The following FGD6 variants were observed in gnomAD, a reference collection of about 807,000 sequenced individuals.
The protein encoded by FGD6 is FYVE, RhoGEF and PH domain containing 6.
FGD6 carries 90 observed loss-of-function variants against 149.4 expected under a neutral mutation model. That is an observed-to-expected ratio of 0.60 (90% CI 0.51 to 0.72). The LOEUF (loss-of-function observed/expected upper bound fraction) is 0.72, where lower values mean the gene tolerates loss of function less well. Among genes scored for constraint, FGD6 ranks in the 30% least tolerant of loss-of-function variants. FGD6 has a pLI of 0.00. For missense variants in FGD6, 1,437 were observed against 1,684.8 expected (o/e 0.85, Z 2.57); for synonymous variants, 527 against 584.0 (o/e 0.90, Z 1.41).
chr12:95,148,723 TA>T (rs1880121030), intron 5 of FGD6, among the ~76,000 whole-genome samples: 1 of 87,264 alleles, frequency 1.1e-5, no homozygotes. Flanking sequence ...GCATATGTTA[TA>T]TTACATATAT....
At chr12:95,093,636 ATTGCACTC>A (rs1385273480) in intron 15 of FGD6, among the ~76,000 whole-genome samples, 1 of 150,014 alleles carries the variant, frequency 6.7e-6, no homozygotes, top group Non-Finnish European at 1.5e-5. Flanking sequence ...AGATTGTGCC[ATTGCACTC>A]TAGCCTGGGC....
At chr12:95,102,029 A>G (rs1408459670) in intron 14 of FGD6, among the ~76,000 whole-genome samples, 1 of 149,550 alleles carries the variant, frequency 6.7e-6, no homozygotes, top group Non-Finnish European at 1.5e-5. Context: ...CAAAAACGAA[A>G]AAAGGGCTGA....
At chr12:95,176,222 G>A (rs1881128704) in intron 2 of FGD6, among the ~76,000 whole-genome samples, 1 of 152,142 alleles carries the variant, frequency 6.6e-6, no homozygotes, top group Non-Finnish European at 1.5e-5. Context: ...ACAGGCATGA[G>A]CCACCATATG....
chr12:95,113,035 A>G lies in FGD6; in HGVS notation c.3133+616T>C, dbSNP rs919949639. Among the ~76,000 whole-genome samples the G allele has an allele frequency of 4.6e-5, 7 of 152,128 alleles. No homozygotes were observed. The East Asian group carries it at 1.3e-3, about 29-fold the overall frequency. On this transcript the variant is annotated intron_variant, in intron 9 of 20. Coordinates refer to ENST00000343958, the MANE Select transcript of FGD6 (RefSeq NM_018351.4). Reference sequence around the variant, plus strand: ...CTGAATATGGCACGGGCACAGAGTGACTGAGCACAGGAGGGCAAAGATTCC... The same window carrying G: ...CTGAATATGGCACGGGCACAGAGTGGCTGAGCACAGGAGGGCAAAGATTCC...
rs966673061 is a variant in FGD6, at chr12:95,078,828, C to T, written c.*2692G>A. 1 of 152,162 alleles carries T rather than the reference C, an allele frequency of 6.6e-6. No homozygotes were observed. The highest frequency in any genetic ancestry group is 2.1e-4 in the South Asian group (1 of 4,826). The allele number at this position is 152,162 out of a possible 1,614,324, so 9.4% of individuals were successfully genotyped here. On this transcript the variant is annotated 3_prime_UTR_variant, in exon 21 of 21. Coordinates refer to ENST00000343958, the MANE Select transcript of FGD6 (RefSeq NM_018351.4). ...CTGGTTCAGCCTGGCGTCTCATCTA[C>T]GTTATGCTTAGCATCATTTTTAGCT...
At chr12:95,174,143 C>T (rs998873923) in intron 2 of FGD6, among the ~76,000 whole-genome samples, 2 of 152,054 alleles carry the variant, frequency 1.3e-5, no homozygotes, top group African/African-American at 2.4e-5. Flanking sequence ...ACTCACTCCC[C>T]GGGGGTAAGT....
chr12:95,199,493 C>T (rs553990190), intron 2 of FGD6, among the ~76,000 whole-genome samples: 17 of 152,048 alleles, frequency 1.1e-4, no homozygotes, highest in Admixed American at 3.3e-4. Flanking sequence ...GACTTGTAAA[C>T]GATTTCATTA....
chr12:95,100,641 C>T, intron 14 of FGD6: 1 of 532,724 alleles, frequency 1.9e-6, no homozygotes, highest in South Asian at 1.4e-5. Context: ...AACCAGTGTG[C>T]ACTATGGAGC....
chr12:95,079,786 GC>G lies in FGD6; in HGVS notation c.*1733del, dbSNP rs1251971684. On this transcript the variant is annotated 3_prime_UTR_variant, in exon 21 of 21. Coordinates refer to ENST00000343958, the MANE Select transcript of FGD6 (RefSeq NM_018351.4). ...CTCTAGATCTAGTAGGGACTCTGGT[GC>G]TGTACCAAACAGCATTCAAAAGGCC... The G allele has an allele frequency of 5.9e-5, 9 of 152,050 alleles. No homozygotes were observed. Among genetic ancestry groups the G allele is most frequent in the African/African-American group, 1.9e-4 (8 of 41,378 alleles). 9.4% of individuals were successfully genotyped at this position (152,050 alleles called of 1,614,324 possible).
At position 95,131,198 on chromosome 12, in the gene FGD6, G is replaced by A. The variant is rs141166337; in HGVS notation, c.3082+3541C>T. On this transcript the variant is annotated intron_variant, in intron 8 of 20. Coordinates refer to ENST00000343958, the MANE Select transcript of FGD6 (RefSeq NM_018351.4). Reference sequence around the variant, plus strand: ...GCGATCTCAGCTCACCACAACCTCTGCCTCTCGGGTTCAAACAATTCTGCC... The same window carrying A: ...GCGATCTCAGCTCACCACAACCTCTACCTCTCGGGTTCAAACAATTCTGCC... Among the ~76,000 whole-genome samples, 104 of 147,076 alleles carry A rather than the reference G, an allele frequency of 7.1e-4. No individual in the cohort carries two copies. In the East Asian group the frequency reaches 0.02, roughly 28 times the overall value.
At chr12:95,181,815 G>C (rs1389387489) in intron 2 of FGD6, among the ~76,000 whole-genome samples, 5 of 152,026 alleles carry the variant, frequency 3.3e-5, no homozygotes, top group South Asian at 4.2e-4. Context: ...TTAGCTGGGC[G>C]TGGTGGCGGG....
rs373304029 is a variant in FGD6, at chr12:95,202,461, C to A, written c.2441+6382G>T. 3.9e-4 allele frequency among the ~76,000 whole-genome samples: 54 copies of A among 139,438 alleles called. No individual in the cohort carries two copies. In the South Asian group the frequency reaches 0.013, roughly 33 times the overall value. The allele number at this position is 139,438 out of a possible 152,430, so 91.5% of individuals were successfully genotyped here. On this transcript the variant is annotated intron_variant, in intron 2 of 20. Coordinates refer to ENST00000343958, the MANE Select transcript of FGD6 (RefSeq NM_018351.4). ...TTATCTGCTTTGGCAGGAAATGAGA[C>A]CAAAGTAACACAGCTGGACAAAATA...
chr12:95,113,457 A>C (rs1878903887), intron 9 of FGD6, among the ~76,000 whole-genome samples, 194 bp downstream of exon 9: 1 of 151,822 alleles, frequency 6.6e-6, no homozygotes, highest in Non-Finnish European at 1.5e-5. Flanking sequence ...GCTGGTCTCA[A>C]ACTCTTGACC....
rs772685891 is a variant in FGD6, at chr12:95,083,030, T to TATATATATATATATATAC, written c.4256+1467_4256+1468insGTATATATATATATATAT. ...AAAAAAAAATATATATATATATATATACACACACATACACACACACACACA... is the reference window on the plus strand; with the variant it reads ...AAAAAAAAATATATATATATATATATATATATATATATATATACACACACACATACACACACACACACA... On this transcript the variant is annotated intron_variant, in intron 20 of 20. Coordinates refer to ENST00000343958, the MANE Select transcript of FGD6 (RefSeq NM_018351.4). 2.4e-3 allele frequency among the ~76,000 whole-genome samples: 137 copies of TATATATATATATATATAC among 56,530 alleles called. 3 individuals carry two copies. Among genetic ancestry groups the TATATATATATATATATAC allele is most frequent in the East Asian group, 3.7e-3 (9 of 2,454 alleles). 37.1% of individuals were successfully genotyped at this position (56,530 alleles called of 152,430 possible). A position where few individuals can be genotyped will look rare whatever the true frequency, so the allele number is the denominator to read the frequency against.
At chr12:95,089,368 T>C (rs1038683883) in intron 18 of FGD6, among the ~76,000 whole-genome samples, 5 of 152,258 alleles carry the variant, frequency 3.3e-5, no homozygotes, top group Non-Finnish European at 5.9e-5. Context: ...AACCTTTCAA[T>C]AGCCATTTTC....
At chr12:95,184,331 G>A (rs1275413269) in intron 2 of FGD6, among the ~76,000 whole-genome samples, 1 of 152,134 alleles carries the variant, frequency 6.6e-6, no homozygotes, top group East Asian at 1.9e-4. Context: ...GCCACAGAGG[G>A]GGAGGTTAGT....
chr12:95,188,288 G>T (rs1450589170), intron 2 of FGD6, among the ~76,000 whole-genome samples: 1 of 152,150 alleles, frequency 6.6e-6, no homozygotes, highest in Non-Finnish European at 1.5e-5. Flanking sequence ...AAAAAAAATG[G>T]GGAGAAGAGG....
At chr12:95,175,215 G>A (rs981867537) in intron 2 of FGD6, among the ~76,000 whole-genome samples, 2 of 152,128 alleles carry the variant, frequency 1.3e-5, no homozygotes, top group Non-Finnish European at 2.9e-5. Flanking sequence ...AACTGCACTT[G>A]GTGGTAGACT....
At chr12:95,103,604 G>A (rs773720955) in intron 14 of FGD6, among the ~76,000 whole-genome samples, 11 of 152,190 alleles carry the variant, frequency 7.2e-5, no homozygotes, top group Non-Finnish European at 1.5e-4. Context: ...GAGTGATCTC[G>A]GTTCACTGCA....
Sources: gnomAD v4.1 joint callset for allele counts (sites outside exome capture counted in the v4.1 genomes callset) on GRCh38, gnomAD v4.1.1 for gene constraint, MANE v1.5 for transcripts, NCBI Gene and HGNC (gene_info 2026-07-23, HGNC 2026-07-21) for gene names.